The following PCSK2 variants were observed in gnomAD, a reference collection of about 807,000 sequenced individuals.
The protein encoded by PCSK2 is neuroendocrine convertase 2.
In PCSK2, 14 loss-of-function variants were observed where a neutral mutation model predicts 69.7. The observed-to-expected ratio is 0.20, with a 90% confidence interval of 0.13 to 0.31. PCSK2 has a LOEUF of 0.31. PCSK2 is among the 10% of genes least tolerant of loss of function. PCSK2 has a pLI of 1.00. For synonymous variants in PCSK2, 307 were observed against 320.7 expected (o/e 0.96, Z 0.46); for missense variants, 544 against 842.5 (o/e 0.65, Z 4.39).
At chr20:17,460,106 T>C (rs1307074427) in intron 10 of PCSK2, among the ~76,000 whole-genome samples, 1 of 152,240 alleles carries the variant, frequency 6.6e-6, no homozygotes, top group Non-Finnish European at 1.5e-5. Context: ...TCTAGCTTTC[T>C]GCTCCTTTGC....
chr20:17,396,876 C>T lies in PCSK2; in HGVS notation c.544-12387C>T, dbSNP rs78359408. On this transcript the variant is annotated intron_variant, in intron 5 of 11. Transcript: ENST00000262545. ...GTCACCATGGGGGGCATAGAGAGAC[C>T]TCAGCAGTGAAGGCCTCTAGGAAAT... is the stretch of plus-strand genomic sequence containing the variant. 8.9e-3 allele frequency among the ~76,000 whole-genome samples: 1,359 copies of T among 152,256 alleles called. 23 individuals carry two copies. The highest frequency in any genetic ancestry group is 0.031 in the African/African-American group (1,282 of 41,542).
chr20:17,234,052 C>T (rs1168491657), intron 1 of PCSK2, among the ~76,000 whole-genome samples: 3 of 152,196 alleles, frequency 2.0e-5, no homozygotes, highest in African/African-American at 7.2e-5. Context: ...AAATAAACTG[C>T]TATTACATTA....
chr20:17,418,892 A>G (rs1375079523), intron 6 of PCSK2, among the ~76,000 whole-genome samples: 4 of 152,226 alleles, frequency 2.6e-5, no homozygotes, highest in African/African-American at 7.2e-5. Flanking sequence ...GCTTGTTGCT[A>G]TTAACTATTC....
chr20:17,335,224 G>T (rs12480656), intron 2 of PCSK2, among the ~76,000 whole-genome samples: 1 of 151,506 alleles, frequency 6.6e-6, no homozygotes, highest in East Asian at 1.9e-4. Context: ...CAACAGGGCT[G>T]GATGTCCAAG....
At chr20:17,457,088 G>A (rs928350882) in intron 10 of PCSK2, among the ~76,000 whole-genome samples, 6 of 152,202 alleles carry the variant, frequency 3.9e-5, no homozygotes, top group African/African-American at 1.4e-4. Context: ...TTGAGTAGCA[G>A]TGGAGGTACC....
At chr20:17,390,729 G>T (rs1338050396) in intron 5 of PCSK2, among the ~76,000 whole-genome samples, 1 of 152,136 alleles carries the variant, frequency 6.6e-6, no homozygotes, top group African/African-American at 2.4e-5. Flanking sequence ...ATCAAGGCTT[G>T]CTCATCATCA....
chr20:17,469,587 C>A (rs1248149558), intron 11 of PCSK2, among the ~76,000 whole-genome samples: 1 of 152,020 alleles, frequency 6.6e-6, no homozygotes, highest in Non-Finnish European at 1.5e-5. Flanking sequence ...AAGGGCAGAG[C>A]AGGACTTGAA....
intron 6 of PCSK2, among the ~76,000 whole-genome samples, chr20:17,426,153 G>A (rs1047243359): frequency 1.3e-5 from 2 of 152,162 alleles, no homozygotes; most frequent in African/African-American, 4.8e-5. Context: ...GCAAGACCAG[G>A]TGGAGGTAAC....
chr20:17,382,884 A>C (rs984973295), intron 5 of PCSK2, among the ~76,000 whole-genome samples: 3 of 152,088 alleles, frequency 2.0e-5, no homozygotes, highest in Non-Finnish European at 4.4e-5. Context: ...TCCCTAATTA[A>C]AGGCTTGGAA....
intron 11 of PCSK2, among the ~76,000 whole-genome samples, chr20:17,480,051 T>C (rs1319578782): frequency 1.3e-5 from 2 of 152,020 alleles, no homozygotes; most frequent in Non-Finnish European, 2.9e-5. Context: ...AGAAAGGAGA[T>C]TGCCTGTAAG....
At chr20:17,370,410 A>G (rs2123232293) in intron 5 of PCSK2, among the ~76,000 whole-genome samples, 1 of 152,354 alleles carries the variant, frequency 6.6e-6, no homozygotes, top group African/African-American at 2.4e-5. Flanking sequence ...CATTCAAGGG[A>G]TCTTATAAAT....
intron 2 of PCSK2, among the ~76,000 whole-genome samples, chr20:17,313,313 T>C (rs1042358771): frequency 2.0e-5 from 3 of 152,120 alleles, no homozygotes; most frequent in African/African-American, 7.2e-5. Flanking sequence ...GCTGACGGTC[T>C]AGCTCCTGTG....
intron 11 of PCSK2, among the ~76,000 whole-genome samples, chr20:17,471,828 G>A (rs1232585845): frequency 1.3e-5 from 2 of 152,224 alleles, no homozygotes; most frequent in Non-Finnish European, 2.9e-5. Context: ...TTGTGACCAC[G>A]AAGCACACTC....
chr20:17,250,606 G>A (rs1442224814), intron 1 of PCSK2, among the ~76,000 whole-genome samples: 1 of 152,118 alleles, frequency 6.6e-6, no homozygotes, highest in Non-Finnish European at 1.5e-5. Flanking sequence ...TTTTCTGAAT[G>A]ATGATATTCA....
intron 2 of PCSK2, among the ~76,000 whole-genome samples, chr20:17,271,705 G>A (rs58902157): frequency 1.4e-4 from 22 of 152,128 alleles, no homozygotes; most frequent in Middle Eastern, 3.4e-3. Context: ...AATAATGGAC[G>A]CCCTGGTTGC....
intron 2 of PCSK2, among the ~76,000 whole-genome samples, chr20:17,334,822 T>C (rs975477084): frequency 5.9e-5 from 9 of 152,220 alleles, no homozygotes. Context: ...TAGTGGTATT[T>C]CATTTCTAAT....
At chr20:17,232,069 T>C (rs965400235) in intron 1 of PCSK2, among the ~76,000 whole-genome samples, 3 of 152,200 alleles carry the variant, frequency 2.0e-5, no homozygotes, top group Admixed American at 6.5e-5. Flanking sequence ...TTTAGGACTT[T>C]AATAACATTT....
rs183870979 is a variant in PCSK2 at position 17,476,857 on chromosome 20, C to T, written c.1431-4727C>T. On this transcript the variant is annotated intron_variant, in intron 11 of 11. Transcript: ENST00000262545. Reference sequence around the variant, plus strand: ...ATCCAGGTTATGGCCCTCATTACCCCGACCCGCAAAGTTGGCTTAATGCCT... The same window carrying T: ...ATCCAGGTTATGGCCCTCATTACCCTGACCCGCAAAGTTGGCTTAATGCCT... Among the ~76,000 whole-genome samples, 202 of 152,308 alleles carry T rather than the reference C, an allele frequency of 1.3e-3. 1 individual carries two copies. Among genetic ancestry groups the T allele is most frequent in the African/African-American group, 4.6e-3 (193 of 41,572 alleles).
intron 8 of PCSK2, among the ~76,000 whole-genome samples, chr20:17,440,572 C>T (rs545981699): frequency 2.6e-5 from 4 of 152,238 alleles, no homozygotes; most frequent in Non-Finnish European, 4.4e-5. Flanking sequence ...AAGAATGCAC[C>T]AGGAGGGCCT....
Sources: allele counts gnomAD v4.1 joint callset (sites outside exome capture counted in the v4.1 genomes callset), GRCh38; gene constraint gnomAD v4.1.1; transcripts MANE v1.5; gene names NCBI Gene and HGNC (gene_info 2026-07-23, HGNC 2026-07-21).